The following CDKN2B-AS1 variants were observed in gnomAD, a reference collection of about 807,000 sequenced individuals.
CDKN2B-AS1 encodes CDKN2B and CDKN2A antisense cis and trans regulatory RNA 1.
chr9:22,056,924 C>T (rs553181928), intron 4 of CDKN2B-AS1, among the ~76,000 whole-genome samples: 2 of 152,186 alleles, frequency 1.3e-5, no homozygotes, highest in African/African-American at 2.4e-5. Context: ...CTGCTCTTAC[C>T]AGTCTTCCCC....
intron 1 of CDKN2B-AS1, among the ~76,000 whole-genome samples, chr9:22,010,887 G>A (rs905373665): frequency 6.6e-6 from 1 of 152,148 alleles, no homozygotes; most frequent in Non-Finnish European, 1.5e-5. Flanking sequence ...AAATATGTCA[G>A]AAAAATGAAA....
At chr9:22,080,030 C>T (rs550984483) in intron 4 of CDKN2B-AS1, among the ~76,000 whole-genome samples, 28 of 152,328 alleles carry the variant, frequency 1.8e-4, no homozygotes, top group African/African-American at 6.0e-4. Context: ...GTGAGAAAAA[C>T]CAGGTGTGTC....
At chr9:22,098,951 A>G (rs1265724705) in intron 4 of CDKN2B-AS1, among the ~76,000 whole-genome samples, 1 of 152,308 alleles carries the variant, frequency 6.6e-6, no homozygotes, top group African/African-American at 2.4e-5. Flanking sequence ...TGCAAGAAAA[A>G]TAAGAGTAGT....
intron 4 of CDKN2B-AS1, among the ~76,000 whole-genome samples, chr9:22,108,762 A>C (rs1264891977): frequency 6.6e-6 from 1 of 152,210 alleles, no homozygotes; most frequent in Non-Finnish European, 1.5e-5. Flanking sequence ...AATAGCAGTG[A>C]GTGAATAACT....
intron 4 of CDKN2B-AS1, among the ~76,000 whole-genome samples, chr9:22,108,809 A>G (rs1445002839): frequency 1.3e-5 from 2 of 152,212 alleles, no homozygotes; most frequent in African/African-American, 4.8e-5. Context: ...ACTACTACAA[A>G]CACCACGGAG....
chr9:22,094,907 A>G, intron 4 of CDKN2B-AS1, among the ~76,000 whole-genome samples: 2 of 143,918 alleles, frequency 1.4e-5, no homozygotes, highest in African/African-American at 5.8e-5. Flanking sequence ...TAGAGTTTCC[A>G]GTTTTTCTGC....
chr9:22,124,141 A>T (rs7857118), intron 4 of CDKN2B-AS1, among the ~76,000 whole-genome samples: 97,055 of 151,790 alleles, frequency 0.64, 33,266 homozygotes, highest in African/African-American at 0.9. Context: ...ATATATATAT[A>T]TTTCATTTAT....
intron 4 of CDKN2B-AS1, among the ~76,000 whole-genome samples, chr9:22,114,727 C>A (rs77563194): frequency 6.6e-6 from 1 of 152,130 alleles, no homozygotes; most frequent in Non-Finnish European, 1.5e-5. Flanking sequence ...TCAGAGGCAG[C>A]GGCTAAGACC....
chr9:22,003,616 AT>A (rs1282960705), intron 1 of CDKN2B-AS1: 1 of 229,754 alleles, frequency 4.4e-6, no homozygotes, highest in African/African-American at 2.2e-5. Context: ...AACTTTAAAA[AT>A]ATTATTCTTG....
At chr9:22,009,424 C>A (rs796507588) in intron 1 of CDKN2B-AS1, 141 of 294,042 alleles carry the variant, frequency 4.8e-4, no homozygotes, top group African/African-American at 2.7e-3. Context: ...CCCGGGCCGA[C>A]GCGTCACGAG....
At chr9:22,002,253 A>C (rs981850011) in intron 1 of CDKN2B-AS1, among the ~76,000 whole-genome samples, 3 of 152,046 alleles carry the variant, frequency 2.0e-5, no homozygotes, top group African/African-American at 7.2e-5. Flanking sequence ...ACTGGCTTTC[A>C]CATTTGCCCC....
rs77953206 is a variant in CDKN2B-AS1 at position 22,038,355 on chromosome 9, G to A, written n.30-8396G>A. The stretch of plus-strand genomic sequence containing the variant: ...CATTAATTTATTTAATTATTTACTC[G>A]TTTAATTATTCAAAAATAATTATCT... On this transcript the variant is annotated intron_variant and non_coding_transcript_variant, in intron 1 of 4. Transcript: ENST00000650946. 8.2e-3 allele frequency among the ~76,000 whole-genome samples: 1,250 copies of A among 151,642 alleles called. 84 individuals carry two copies. The East Asian group carries it at 0.18, about 21-fold the overall frequency.
At chr9:22,098,575 A>T (rs4977574) in intron 4 of CDKN2B-AS1, among the ~76,000 whole-genome samples, 1 of 151,996 alleles carries the variant, frequency 6.6e-6, no homozygotes, top group East Asian at 1.9e-4. Context: ...ATTCTATAGC[A>T]CAGGATGTTC....
chr9:22,038,931 T>C (rs1192909005), intron 1 of CDKN2B-AS1, among the ~76,000 whole-genome samples: 4 of 152,072 alleles, frequency 2.6e-5, no homozygotes, highest in Non-Finnish European at 5.9e-5. Flanking sequence ...ATTGTTGACT[T>C]GATTATATTG....
At chr9:22,103,887 CGTTCCAGTGACG>C (rs1825571876) in intron 4 of CDKN2B-AS1, among the ~76,000 whole-genome samples, 1 of 152,150 alleles carries the variant, frequency 6.6e-6, no homozygotes, top group Non-Finnish European at 1.5e-5. Flanking sequence ...AATAGCACTG[CGTTCCAGTGACG>C]GTTATTGCAA....
rs1487154465 is a variant in CDKN2B-AS1, at chr9:22,001,892, G to T, written n.29+6731G>T. Among the ~76,000 whole-genome samples the T allele has an allele frequency of 6.6e-6, 1 of 152,062 alleles. No individual in the cohort carries two copies. Among genetic ancestry groups the T allele is most frequent in the African/African-American group, 2.4e-5 (1 of 41,422 alleles). On this transcript the variant is annotated intron_variant and non_coding_transcript_variant, in intron 1 of 4. Coordinates refer to ENST00000650946, the Ensembl canonical transcript of CDKN2B-AS1. This position sits in a 1 kb window ranked among gnomAD's most constrained non-coding sequence, Gnocchi z 4.2. ...GGGAATCTAGGTCTTCTATCTTCCA[G>T]TCAAGTCCTTGTTTCACTTTTCTTC...
In CDKN2B-AS1 at chr9:22,001,714, G is replaced by A. The variant is rs1404162091; in HGVS notation, n.29+6553G>A. Among the ~76,000 whole-genome samples the A allele has an allele frequency of 1.3e-5, 2 of 152,068 alleles. No individual in the cohort carries two copies. Among genetic ancestry groups the A allele is most frequent in the African/African-American group, 4.8e-5 (2 of 41,424 alleles). Reference sequence around the variant, plus strand: ...GCAAGGAATGACATTAAAATCTTCTGAGTAGGGAATTTAAGAGGCAAGAAA... The same window carrying A: ...GCAAGGAATGACATTAAAATCTTCTAAGTAGGGAATTTAAGAGGCAAGAAA... On this transcript the variant is annotated intron_variant and non_coding_transcript_variant, in intron 1 of 4. Coordinates refer to ENST00000650946, the Ensembl canonical transcript of CDKN2B-AS1. This position sits in a 1 kb window ranked among gnomAD's most constrained non-coding sequence, Gnocchi z 4.2.
At chr9:22,009,798 C>G (rs1018987541) in intron 1 of CDKN2B-AS1, among the ~76,000 whole-genome samples, 1 of 152,194 alleles carries the variant, frequency 6.6e-6, no homozygotes, top group Non-Finnish European at 1.5e-5. Context: ...TAACTTGTAT[C>G]AAACTTAGCA....
chr9:22,018,669 A>C (rs1458551952), intron 1 of CDKN2B-AS1, among the ~76,000 whole-genome samples: 1 of 152,158 alleles, frequency 6.6e-6, no homozygotes, highest in Non-Finnish European at 1.5e-5. Context: ...AACAAAGAAA[A>C]ACATAATCCA....
Sources: allele counts gnomAD v4.1 joint callset (sites outside exome capture counted in the v4.1 genomes callset), GRCh38; gene constraint gnomAD v4.1.1; non-coding constraint Gnocchi (gnomAD v3.1); transcripts MANE v1.5; gene names NCBI Gene and HGNC (gene_info 2026-07-23, HGNC 2026-07-21).